The following HIVEP3 variants were observed in gnomAD, a reference collection of about 807,000 sequenced individuals.
HIVEP3 encodes the protein transcription factor HIVEP3.
A neutral mutation model predicts 152.8 loss-of-function variants in HIVEP3; 49 were observed. The observed-to-expected ratio is 0.32, with a 90% CI of 0.26 to 0.41. The LOEUF (loss-of-function observed/expected upper bound fraction) is 0.41, where lower values mean the gene tolerates loss of function less well. HIVEP3 is among the 10% of genes least tolerant of loss of function. The pLI, the probability that HIVEP3 is intolerant of heterozygous loss-of-function variation, is 1.00. For synonymous variants in HIVEP3, 1,269 were observed against 1,289.0 expected (o/e 0.98, Z 0.33); for missense variants, 2,790 against 3,103.3 (o/e 0.90, Z 2.40).
chr1:41,615,335 C>T (rs1162220140), intron 3 of HIVEP3, among the ~76,000 whole-genome samples: 5 of 152,210 alleles, frequency 3.3e-5, no homozygotes, highest in East Asian at 1.9e-4. Context: ...GAAATCGGCC[C>T]GTCCCTCACC....
chr1:41,629,792 C>T (rs995477267), intron 2 of HIVEP3, among the ~76,000 whole-genome samples: 15 of 152,194 alleles, frequency 9.9e-5, no homozygotes, highest in Non-Finnish European at 2.1e-4. Context: ...CTGGCGAGAC[C>T]GTGGAGAGAA....
At chr1:41,938,087 C>G (rs994751385) in intron 1 of HIVEP3, among the ~76,000 whole-genome samples, 9 of 152,178 alleles carry the variant, frequency 5.9e-5, no homozygotes, top group African/African-American at 2.2e-4. Flanking sequence ...ATGGAACACG[C>G]TTTCCTCTCT....
intron 1 of HIVEP3, among the ~76,000 whole-genome samples, chr1:42,035,539 G>C (rs1228465122): frequency 2.0e-5 from 3 of 152,186 alleles, no homozygotes; most frequent in Non-Finnish European, 4.4e-5. Context: ...CCCGCCCCAG[G>C]ACCGGAGGTT....
rs770156741 is a variant in HIVEP3, at chr1:41,511,807, C to T, written c.6406-541G>A. Among the ~76,000 whole-genome samples, 1 of 152,032 alleles carries T rather than the reference C, an allele frequency of 6.6e-6. No homozygotes were observed. Among genetic ancestry groups the T allele is most frequent in the Non-Finnish European group, 1.5e-5 (1 of 68,016 alleles). On this transcript the variant is annotated intron_variant, in intron 8 of 8. Coordinates refer to ENST00000372583, the MANE Select transcript of HIVEP3 (RefSeq NM_024503.5). This position sits in a 1 kb window ranked among gnomAD's most constrained non-coding sequence, Gnocchi z 4.9. ...GGCAACACGGGGACAGAGAAGGTGT[C>T]GGAAGGGGGTCAGCTGACAATGATG...
At chr1:41,660,547 T>C (rs1378520710) in intron 2 of HIVEP3, among the ~76,000 whole-genome samples, 2 of 152,200 alleles carry the variant, frequency 1.3e-5, no homozygotes, top group Non-Finnish European at 2.9e-5. Flanking sequence ...CAGATGAGCC[T>C]CTTAACTGTT....
At chr1:42,031,252 T>C (rs905819493) in intron 1 of HIVEP3, among the ~76,000 whole-genome samples, 6 of 152,208 alleles carry the variant, frequency 3.9e-5, no homozygotes, top group African/African-American at 1.4e-4. Context: ...TGTTCCAGAC[T>C]GCTCTGCTGA....
chr1:41,553,757 G>A (rs1179695864), intron 5 of HIVEP3, among the ~76,000 whole-genome samples: 1 of 152,074 alleles, frequency 6.6e-6, no homozygotes, highest in Non-Finnish European at 1.5e-5. Flanking sequence ...CTTCACTTAT[G>A]AAGTTTGGTT....
At chr1:41,999,351 T>C (rs1029455940) in intron 1 of HIVEP3, among the ~76,000 whole-genome samples, 2 of 152,112 alleles carry the variant, frequency 1.3e-5, no homozygotes, top group Non-Finnish European at 2.9e-5. Context: ...GCAATTAGAA[T>C]TGGAGAAAAG....
At chr1:41,703,800 A>G (rs1646396187) in intron 1 of HIVEP3, among the ~76,000 whole-genome samples, 1 of 152,240 alleles carries the variant, frequency 6.6e-6, no homozygotes, top group Non-Finnish European at 1.5e-5. Context: ...AGTATTATTG[A>G]GCAAGGCAAA....
At chr1:41,761,366 ATG>A (rs543253126) in intron 1 of HIVEP3, among the ~76,000 whole-genome samples, 1 of 151,804 alleles carries the variant, frequency 6.6e-6, no homozygotes, top group Non-Finnish European at 1.5e-5. Flanking sequence ...GTGTGTATGC[ATG>A]TGTGTGTGCA....
At chr1:41,745,268 A>C (rs1647054859) in intron 1 of HIVEP3, among the ~76,000 whole-genome samples, 1 of 152,158 alleles carries the variant, frequency 6.6e-6, no homozygotes, top group African/African-American at 2.4e-5. Flanking sequence ...CCCACAGATC[A>C]CATGGTGAAA....
chr1:41,982,179 C>T (rs549010265), intron 1 of HIVEP3, among the ~76,000 whole-genome samples: 1 of 152,312 alleles, frequency 6.6e-6, no homozygotes, highest in South Asian at 2.1e-4. Flanking sequence ...GAAAGCGAAG[C>T]CTTATCCATC....
chr1:41,706,934 T>C (rs1646442487), intron 1 of HIVEP3, among the ~76,000 whole-genome samples: 1 of 152,246 alleles, frequency 6.6e-6, no homozygotes, highest in South Asian at 2.1e-4. Context: ...GTCAGGGTGA[T>C]ATAGGAGTTC....
chr1:42,004,474 G>A (rs773961460), intron 1 of HIVEP3, among the ~76,000 whole-genome samples: 1 of 152,066 alleles, frequency 6.6e-6, no homozygotes, highest in African/African-American at 2.4e-5. Context: ...ACTAGGTGAC[G>A]TGGGCAGCTG....
At chr1:41,973,711 A>G (rs7516621) in intron 1 of HIVEP3, among the ~76,000 whole-genome samples, 2,893 of 152,334 alleles carry the variant, frequency 0.019, 96 homozygotes, top group African/African-American at 0.067. Context: ...TAGGAGTCAG[A>G]GGTCACTGGG....
chr1:42,013,099 G>A (rs909311920), intron 1 of HIVEP3, among the ~76,000 whole-genome samples: 1 of 152,152 alleles, frequency 6.6e-6, no homozygotes, highest in African/African-American at 2.4e-5. Context: ...CTCCTCCCGA[G>A]GGCTGAAGGA....
chr1:41,804,959 A>G (rs1650514076), intron 1 of HIVEP3, among the ~76,000 whole-genome samples: 1 of 152,248 alleles, frequency 6.6e-6, no homozygotes, highest in South Asian at 2.1e-4. Flanking sequence ...CTAGGAGAAA[A>G]CAAAGCCTAC....
chr1:41,652,158 A>G (rs1024477772), intron 2 of HIVEP3, among the ~76,000 whole-genome samples: 1 of 152,220 alleles, frequency 6.6e-6, no homozygotes, highest in Non-Finnish European at 1.5e-5. Context: ...CACAGGTCAG[A>G]TAAGAACACG....
chr1:41,642,311 C>G (rs1191272449), intron 2 of HIVEP3, among the ~76,000 whole-genome samples: 1 of 152,258 alleles, frequency 6.6e-6, no homozygotes, highest in Non-Finnish European at 1.5e-5. Context: ...GCTGCCTCGG[C>G]ATCAACACTC....
Sources: gnomAD v4.1 joint callset for allele counts (sites outside exome capture counted in the v4.1 genomes callset) on GRCh38, gnomAD v4.1.1 for gene constraint, Gnocchi (gnomAD v3.1) non-coding constraint, MANE v1.5 for transcripts, NCBI Gene and HGNC (gene_info 2026-07-23, HGNC 2026-07-21) for gene names.